OPCML: variants seen among roughly 807,000 people sequenced by gnomAD.
OPCML encodes the protein opioid binding protein/cell adhesion molecule like.
In OPCML, 13 loss-of-function variants were observed where a neutral mutation model predicts 37.8. The observed-to-expected ratio is 0.34, with a 90% CI of 0.22 to 0.55. OPCML has a LOEUF of 0.55. Among genes scored for constraint, OPCML ranks in the 20% least tolerant of loss-of-function variants. The pLI, the probability that OPCML is intolerant of heterozygous loss-of-function variation, is 0.91. For missense variants in OPCML, 341 were observed against 435.6 expected (o/e 0.78, Z 1.93); for synonymous variants, 176 against 168.8 (o/e 1.04, Z -0.33).
chr11:132,565,729 C>A (rs755184793), intron 3 of OPCML, among the ~76,000 whole-genome samples: 6 of 152,172 alleles, frequency 3.9e-5, no homozygotes, highest in Non-Finnish European at 8.8e-5. Flanking sequence ...ACCTGTTTAG[C>A]AACTCTAATT....
At chr11:133,499,937 T>G (rs1947876400) in intron 1 of OPCML, among the ~76,000 whole-genome samples, 1 of 146,466 alleles carries the variant, frequency 6.8e-6, no homozygotes, top group Non-Finnish European at 1.5e-5. Context: ...AATGGTGAGA[T>G]CTCGGCTCAC....
chr11:133,024,376 A>T (rs560841415), intron 1 of OPCML: 2 of 985,288 alleles, frequency 2.0e-6, no homozygotes, highest in South Asian at 4.7e-5. Context: ...ATTGAACTTA[A>T]CTCATTAGGA....
intron 2 of OPCML, among the ~76,000 whole-genome samples, chr11:132,663,400 A>G (rs577160202): frequency 1.3e-5 from 2 of 152,248 alleles, no homozygotes; most frequent in African/African-American, 2.4e-5. Context: ...CTGTATCTAC[A>G]TAGACACACA....
intron 1 of OPCML, among the ~76,000 whole-genome samples, chr11:133,207,338 C>A (rs1939123396): frequency 6.6e-6 from 1 of 151,776 alleles, no homozygotes; most frequent in African/African-American, 2.4e-5. Flanking sequence ...AGAACATCTC[C>A]GTCTAAATGG....
chr11:132,518,569 C>T (rs747840580), intron 4 of OPCML, among the ~76,000 whole-genome samples: 1 of 152,196 alleles, frequency 6.6e-6, no homozygotes, highest in Non-Finnish European at 1.5e-5. Context: ...AAGGCTTCTA[C>T]TCAGCCCAGC....
intron 1 of OPCML, among the ~76,000 whole-genome samples, chr11:133,195,835 T>C (rs1938514995): frequency 6.6e-6 from 1 of 152,180 alleles, no homozygotes; most frequent in Non-Finnish European, 1.5e-5. Context: ...TAGTATATGC[T>C]CAATGAATAT....
At chr11:132,652,697 T>C (rs1388778966) in intron 3 of OPCML, among the ~76,000 whole-genome samples, 1 of 152,190 alleles carries the variant, frequency 6.6e-6, no homozygotes, top group East Asian at 1.9e-4. Context: ...ATGCCTGGAA[T>C]TTGTGTTATC....
intron 3 of OPCML, among the ~76,000 whole-genome samples, chr11:132,568,373 T>C (rs1189564464): frequency 6.6e-6 from 1 of 152,236 alleles, no homozygotes; most frequent in East Asian, 1.9e-4. Context: ...TAGATAGCTG[T>C]ACTGGGTTGA....
chr11:132,866,043 C>A (rs1373332145), intron 2 of OPCML, among the ~76,000 whole-genome samples: 1 of 151,926 alleles, frequency 6.6e-6, no homozygotes, highest in Non-Finnish European at 1.5e-5. Flanking sequence ...TTAGTTCAGT[C>A]CTAGCCATCC....
At chr11:133,096,132 G>A (rs2041934384) in intron 1 of OPCML, among the ~76,000 whole-genome samples, 1 of 61,072 alleles carries the variant, frequency 1.6e-5, no homozygotes, top group African/African-American at 3.8e-5. Flanking sequence ...GTGCACAAAT[G>A]TGTGTGTGTG....
At chr11:133,164,046 C>T (rs1950177912) in intron 1 of OPCML, among the ~76,000 whole-genome samples, 1 of 152,204 alleles carries the variant, frequency 6.6e-6, no homozygotes, top group South Asian at 2.1e-4. Context: ...GCCATTCTGC[C>T]TATTTCACAA....
intron 1 of OPCML, among the ~76,000 whole-genome samples, chr11:133,382,202 A>G (rs188342526): frequency 2.0e-5 from 3 of 152,338 alleles, no homozygotes; most frequent in East Asian, 3.9e-4. Flanking sequence ...ACATTAGCAT[A>G]ATGCTCATTA....
At chr11:132,765,937 G>T (rs1180517352) in intron 2 of OPCML, among the ~76,000 whole-genome samples, 4 of 152,108 alleles carry the variant, frequency 2.6e-5, no homozygotes, top group Non-Finnish European at 4.4e-5. Context: ...CAGAGAGAAA[G>T]AAAATGTGCA....
At chr11:132,524,123 C>A (rs2096301769) in intron 4 of OPCML, among the ~76,000 whole-genome samples, 1 of 152,314 alleles carries the variant, frequency 6.6e-6, no homozygotes, top group South Asian at 2.1e-4. Flanking sequence ...TAGAACACAA[C>A]AGACTCCAGG....
chr11:132,520,506 G>A (rs11223101), intron 4 of OPCML, among the ~76,000 whole-genome samples: 1 of 151,962 alleles, frequency 6.6e-6, no homozygotes, highest in African/African-American at 2.4e-5. Flanking sequence ...TATAGGAATA[G>A]GTTGTTAATG....
At chr11:132,716,698 TA>T (rs1477253399) in intron 2 of OPCML, among the ~76,000 whole-genome samples, 1 of 152,202 alleles carries the variant, frequency 6.6e-6, no homozygotes, top group Admixed American at 6.5e-5. Flanking sequence ...TTTCTACTTT[TA>T]AAAAACCCAG....
chr11:132,659,827 A>T (rs558038226), intron 2 of OPCML, among the ~76,000 whole-genome samples: 1 of 152,232 alleles, frequency 6.6e-6, no homozygotes, highest in South Asian at 2.1e-4. Context: ...AAGTCATAAC[A>T]CGTGCATTGT....
chr11:132,619,126 C>A (rs893551047), intron 3 of OPCML, among the ~76,000 whole-genome samples: 1 of 152,124 alleles, frequency 6.6e-6, no homozygotes, highest in South Asian at 2.1e-4. Context: ...AACACCTCCC[C>A]TCCAGGTTCG....
intron 2 of OPCML, among the ~76,000 whole-genome samples, chr11:132,888,038 G>C: frequency 6.6e-6 from 1 of 152,134 alleles, no homozygotes; most frequent in East Asian, 1.9e-4. Flanking sequence ...GGCTTGGAGG[G>C]GCATGCGGCC....
Sources: allele counts gnomAD v4.1 joint callset (sites outside exome capture counted in the v4.1 genomes callset), GRCh38; gene constraint gnomAD v4.1.1; transcripts MANE v1.5; gene names NCBI Gene and HGNC (gene_info 2026-07-23, HGNC 2026-07-21).